The following SCD5 variants were observed in gnomAD, a reference collection of about 807,000 sequenced individuals.
The protein encoded by SCD5 is acyl-CoA-desaturase 4.
A neutral mutation model predicts 30.4 loss-of-function variants in SCD5; 20 were observed. The ratio of observed to expected loss-of-function variants is 0.66; its 90% CI spans 0.46 to 0.96. The LOEUF is 0.96. Among genes scored for constraint, SCD5 ranks in the 40% least tolerant of loss-of-function variants. The pLI is 0.00. For synonymous variants in SCD5, 173 were observed against 176.4 expected (o/e 0.98, Z 0.16); for missense variants, 381 against 443.3 (o/e 0.86, Z 1.26).
chr4:82,786,017 A>G (rs1243184297), intron 1 of SCD5, among the ~76,000 whole-genome samples: 1 of 152,212 alleles, frequency 6.6e-6, no homozygotes, highest in African/African-American at 2.4e-5. Context: ...CATTTTAGAA[A>G]TTCATTTTTT....
intron 3 of SCD5, among the ~76,000 whole-genome samples, chr4:82,646,923 A>G (rs1223781523): frequency 2.0e-5 from 3 of 152,182 alleles, no homozygotes; most frequent in African/African-American, 7.2e-5. Context: ...CCTGGGTTCA[A>G]GTGATTCTCC....
At chr4:82,717,662 T>C (rs1720257722) in intron 1 of SCD5, among the ~76,000 whole-genome samples, 2 of 151,530 alleles carry the variant, frequency 1.3e-5, no homozygotes, top group Admixed American at 6.5e-5. Context: ...ACGCCTGTAA[T>C]CCCAGCACTT....
chr4:82,729,004 T>C (rs4693501), intron 1 of SCD5, among the ~76,000 whole-genome samples: 94,974 of 151,880 alleles, frequency 0.63, 32,364 homozygotes, highest in African/African-American at 0.91. Context: ...TAAAAAGGAA[T>C]GGGAATTTTC....
intron 1 of SCD5, chr4:82,753,213 G>A (rs2148843110): frequency 2.4e-6 from 1 of 415,020 alleles, no homozygotes; most frequent in East Asian, 7.2e-5. Context: ...TCATGTGAGA[G>A]TTACCTGGGG....
In SCD5 at chr4:82,798,765, A is replaced by G. The variant is rs534861646; in HGVS notation, c.-228T>C. 1.6e-5 allele frequency: 8 copies of G among 493,286 alleles called. No homozygotes were observed. The highest frequency in any genetic ancestry group is 2.8e-5 in the Non-Finnish European group (8 of 282,866). The allele number at this position is 493,286 out of a possible 1,614,324, so 30.6% of individuals were successfully genotyped here. ...GGCGTCTGTTGCTGGCGTATCCCCC[A>G]TATGGCTGCCCGGGCTGAACTCGGC... is the stretch of plus-strand genomic sequence containing the variant. On this transcript the variant is annotated 5_prime_UTR_variant, in exon 1 of 5. It removes an upstream start codon present in the reference 5' UTR. Coordinates refer to ENST00000319540, the MANE Select transcript of SCD5 (RefSeq NM_001037582.3).
intron 1 of SCD5, among the ~76,000 whole-genome samples, chr4:82,748,341 G>A (rs1721037037): frequency 6.6e-6 from 1 of 152,046 alleles, no homozygotes; most frequent in African/African-American, 2.4e-5. Flanking sequence ...CGGGGGAGAG[G>A]AGGGGGAGGG....
intron 1 of SCD5, among the ~76,000 whole-genome samples, chr4:82,789,013 G>A (rs1221432343): frequency 6.6e-6 from 1 of 152,096 alleles, no homozygotes; most frequent in Non-Finnish European, 1.5e-5. Context: ...GCTGAATTTT[G>A]TGATACCTGC....
At chr4:82,636,950 T>C (rs1245331905) in intron 3 of SCD5, 127 bp from the exon 4 acceptor site, 1 of 727,332 alleles carries the variant, frequency 1.4e-6, no homozygotes, top group East Asian at 2.7e-5. Context: ...CCTTCAACGC[T>C]TTCTATATGT....
intron 1 of SCD5, among the ~76,000 whole-genome samples, chr4:82,748,506 T>C (rs1158486349): frequency 6.6e-6 from 1 of 152,358 alleles, no homozygotes; most frequent in East Asian, 1.9e-4. Context: ...CAATGGTGTT[T>C]AGTCTTAACA....
intron 3 of SCD5, among the ~76,000 whole-genome samples, chr4:82,668,986 G>T (rs1431677076): frequency 6.6e-6 from 1 of 152,162 alleles, no homozygotes; most frequent in East Asian, 1.9e-4. Context: ...GGGAGGAATT[G>T]TTCTATTAAC....
chr4:82,654,769 G>A (rs1727834937), intron 3 of SCD5, among the ~76,000 whole-genome samples: 1 of 152,180 alleles, frequency 6.6e-6, no homozygotes. Flanking sequence ...ATACCTAGGA[G>A]GGAAGGCTGG....
chr4:82,776,398 G>A (rs559744742), intron 1 of SCD5, among the ~76,000 whole-genome samples: 19 of 152,204 alleles, frequency 1.2e-4, no homozygotes, highest in Admixed American at 3.9e-4. Context: ...TGACCTGACC[G>A]AGTTTAAGTT....
intron 1 of SCD5, among the ~76,000 whole-genome samples, chr4:82,777,153 T>A (rs979359791): frequency 3.3e-5 from 5 of 152,178 alleles, no homozygotes; most frequent in African/African-American, 1.2e-4. Context: ...ATTAGCCCCA[T>A]GACATCACAT....
intron 3 of SCD5, among the ~76,000 whole-genome samples, chr4:82,649,971 C>T (rs532527494): frequency 6.6e-6 from 1 of 152,344 alleles, no homozygotes; most frequent in Admixed American, 6.5e-5. Context: ...GGAGACAGAA[C>T]TCCAGGCTGG....
At chr4:82,649,397 A>G (rs1322589678) in intron 3 of SCD5, among the ~76,000 whole-genome samples, 4 of 152,202 alleles carry the variant, frequency 2.6e-5, no homozygotes, top group African/African-American at 4.8e-5. Flanking sequence ...TGTAATTATA[A>G]TAAGGGAAAT....
At chr4:82,638,965 T>C (rs1486018482) in intron 3 of SCD5, among the ~76,000 whole-genome samples, 1 of 152,240 alleles carries the variant, frequency 6.6e-6, no homozygotes, top group Non-Finnish European at 1.5e-5. Flanking sequence ...AAAGTTTATG[T>C]AGCTGGCCCA....
intron 1 of SCD5, among the ~76,000 whole-genome samples, chr4:82,792,276 G>A (rs1722114134): frequency 6.6e-6 from 1 of 151,508 alleles, no homozygotes; most frequent in Admixed American, 6.6e-5. Context: ...AAAAAAAAAA[G>A]CTGTGCCTTA....
intron 4 of SCD5, 151 bp downstream of exon 4, chr4:82,636,440 G>C: frequency 1.6e-6 from 1 of 631,996 alleles, no homozygotes; most frequent in East Asian, 2.8e-5. Context: ...AACAGAGTGA[G>C]ACTCTATCTC....
intron 4 of SCD5, among the ~76,000 whole-genome samples, chr4:82,634,116 T>G (rs570007417): frequency 6.6e-6 from 1 of 152,256 alleles, no homozygotes; most frequent in Non-Finnish European, 1.5e-5. Flanking sequence ...GGTATTTCAT[T>G]ATATGGATGT....
Sources: allele counts gnomAD v4.1 joint callset (sites outside exome capture counted in the v4.1 genomes callset), GRCh38; gene constraint gnomAD v4.1.1; transcripts MANE v1.5; gene names NCBI Gene and HGNC (gene_info 2026-07-23, HGNC 2026-07-21).